Variants in ASB1 observed in about 807,000 individuals in gnomAD.
ASB1 encodes ankyrin repeat and SOCS box protein 1.
ASB1 carries 18 observed loss-of-function variants against 27.7 expected under a neutral mutation model. The observed-to-expected ratio is 0.65, with a 90% CI of 0.45 to 0.96. The LOEUF (loss-of-function observed/expected upper bound fraction) is 0.96, where lower values mean the gene tolerates loss of function less well. Ranked by LOEUF, ASB1 falls within the 50% of genes least tolerant of loss-of-function variation. The pLI is 0.00. For synonymous variants in ASB1, 189 were observed against 187.6 expected, an observed-to-expected ratio of 1.01 and a Z score of -0.06; for missense variants, 397 against 451.7, an observed-to-expected ratio of 0.88 and a Z score of 1.10.
At chr2:238,432,561 C>T (rs922701865) in intron 1 of ASB1, among the ~76,000 whole-genome samples, 8 of 152,204 alleles carry the variant, frequency 5.3e-5, no homozygotes, top group Admixed American at 1.3e-4. Context: ...GGGAGTCACC[C>T]GTGTAGCAGA....
intron 3 of ASB1, among the ~76,000 whole-genome samples, chr2:238,438,727 T>C (rs1702021615): frequency 6.6e-6 from 1 of 152,252 alleles, no homozygotes; most frequent in African/African-American, 2.4e-5. Context: ...CCTGTGCCAG[T>C]TCCCCCTTAG....
chr2:238,445,431 C>T (rs1324750800), intron 4 of ASB1, among the ~76,000 whole-genome samples: 1 of 152,208 alleles, frequency 6.6e-6, no homozygotes, highest in African/African-American at 2.4e-5. Context: ...TTCAATTCCA[C>T]TCAAGTATCG....
Position 238,431,030 on chromosome 2 carries a change from G to A in ASB1, c.50-2524G>A, listed in dbSNP as rs904955621. Among the ~76,000 whole-genome samples, 6 of 152,338 alleles carry A rather than the reference G, an allele frequency of 3.9e-5. No individual in the cohort carries two copies. In the South Asian group the frequency reaches 1.0e-3, roughly 26 times the overall value. On this transcript the variant is annotated intron_variant, in intron 1 of 4. Coordinates refer to ENST00000264607, the MANE Select transcript of ASB1 (RefSeq NM_001040445.3). ...GTCACCAGCTGCGTTAGCCCCTAACGAGAGTCAGCTTGTCCTTTAAAGCTT... is the reference window on the plus strand; with the variant it reads ...GTCACCAGCTGCGTTAGCCCCTAACAAGAGTCAGCTTGTCCTTTAAAGCTT...
At chr2:238,437,690 A>C (rs1232830460) in intron 3 of ASB1, among the ~76,000 whole-genome samples, 3 of 151,718 alleles carry the variant, frequency 2.0e-5, no homozygotes, top group Non-Finnish European at 4.4e-5. Context: ...GACAGGGTGC[A>C]GTTTAGGTAG....
chr2:238,439,749 T>TTG (rs1702044781), intron 3 of ASB1, among the ~76,000 whole-genome samples: 1 of 152,188 alleles, frequency 6.6e-6, no homozygotes, highest in South Asian at 2.1e-4. Flanking sequence ...ATTCCCCTCT[T>TTG]ATCAGGCTGC....
At chr2:238,439,577 A>G (rs1162314218) in intron 3 of ASB1, among the ~76,000 whole-genome samples, 3 of 152,110 alleles carry the variant, frequency 2.0e-5, no homozygotes. Flanking sequence ...GTCCTTTCCT[A>G]TTACAAATGA....
intron 1 of ASB1, among the ~76,000 whole-genome samples, chr2:238,430,405 G>T (rs1158717736): frequency 1.3e-5 from 2 of 152,176 alleles, no homozygotes; most frequent in African/African-American, 4.8e-5. Flanking sequence ...TTGATCATGC[G>T]ATTGCAGCAG....
rs960491082 is a variant in ASB1 at position 238,449,982 on chromosome 2, C to G, written c.*3471C>G. 16 of 152,268 alleles carry G rather than the reference C, an allele frequency of 1.1e-4. No homozygotes were observed. Among genetic ancestry groups the G allele is most frequent in the African/African-American group, 3.9e-4 (16 of 41,466 alleles). 9.4% of individuals were successfully genotyped at this position (152,268 alleles called of 1,614,324 possible). A position where few individuals can be genotyped will look rare whatever the true frequency, so the allele number is the denominator to read the frequency against. On this transcript the variant is annotated 3_prime_UTR_variant, in exon 5 of 5. Coordinates refer to ENST00000264607, the MANE Select transcript of ASB1 (RefSeq NM_001040445.3). ...TTGGCCACATCCCTATTAACAGAGG[C>G]AGCTCCACTTCAGACAGGGACAAGG...
chr2:238,429,239 A>T (rs114527156), intron 1 of ASB1, among the ~76,000 whole-genome samples: 1,721 of 152,322 alleles, frequency 0.011, 35 homozygotes, highest in African/African-American at 0.037. Context: ...GGGGTGCTTT[A>T]TACCTGCCTG....
At chr2:238,430,843 AT>A (rs36119506) in intron 1 of ASB1, among the ~76,000 whole-genome samples, 9,909 of 152,284 alleles carry the variant, frequency 0.065, 510 homozygotes, top group African/African-American at 0.13. Flanking sequence ...GAGCAGTAGT[AT>A]TTTGAAAGGA....
intron 4 of ASB1, among the ~76,000 whole-genome samples, chr2:238,445,639 A>G (rs533365524): frequency 6.6e-6 from 1 of 152,152 alleles, no homozygotes; most frequent in African/African-American, 2.4e-5. Flanking sequence ...CCTCCTGCCC[A>G]CATGTCACCC....
Position 238,435,991 on chromosome 2 carries a change from G to A in ASB1, c.472G>A (p.Asp158Asn). Residue 158 changes from aspartate (D) to asparagine (N), a missense_variant, in exon 3 of 5, where the codon GAC (aspartate) becomes AAC (asparagine). Asp to Asn is a conservative substitution (Grantham distance 23). Coordinates refer to ENST00000264607, the MANE Select transcript of ASB1 (RefSeq NM_001040445.3). ...CCACGCCTCTCGCGTGGGCCGGGCA[G>A]ACATCCTGAAGGCCCTCATCAGGCC... is the stretch of plus-strand genomic sequence containing the variant. ...VYHASRVGRA[D>N]ILKALIRYGA... is the part of the protein sequence containing the mutation. 1 of 1,612,972 alleles carries A rather than the reference G, an allele frequency of 6.2e-7. No individual in the cohort carries two copies. The highest frequency in any genetic ancestry group is 8.5e-7 in the Non-Finnish European group (1 of 1,179,718).
intron 4 of ASB1, among the ~76,000 whole-genome samples, chr2:238,445,385 C>T (rs1210726092): frequency 6.6e-6 from 1 of 152,222 alleles, no homozygotes; most frequent in Non-Finnish European, 1.5e-5. Context: ...AAACAAATTG[C>T]AAGCGGGGCT....
intron 4 of ASB1, among the ~76,000 whole-genome samples, chr2:238,445,839 A>C (rs930817087): frequency 6.6e-6 from 1 of 152,230 alleles, no homozygotes. Flanking sequence ...AGCTGTACTG[A>C]TAGAAGCAGC....
intron 1 of ASB1, among the ~76,000 whole-genome samples, chr2:238,430,111 G>A (rs967926337): frequency 6.6e-6 from 1 of 152,086 alleles, no homozygotes; most frequent in African/African-American, 2.4e-5. Context: ...CTGACTTATC[G>A]GGGGCTATGG....
intron 3 of ASB1, 62 bp downstream of exon 3, chr2:238,436,075 C>T: frequency 6.9e-7 from 1 of 1,446,072 alleles, no homozygotes; most frequent in Non-Finnish European, 9.1e-7. Flanking sequence ...CTGTATTTTG[C>T]AGTTTTTCTG....
intron 3 of ASB1, among the ~76,000 whole-genome samples, chr2:238,441,104 C>T (rs1173630381): frequency 1.3e-5 from 2 of 151,938 alleles, no homozygotes; most frequent in African/African-American, 4.8e-5. Flanking sequence ...AGCTGGATAC[C>T]TGATTGAGTT....
intron 4 of ASB1, among the ~76,000 whole-genome samples, chr2:238,445,474 G>T (rs1702162496): frequency 6.6e-6 from 1 of 152,068 alleles, no homozygotes; most frequent in Admixed American, 6.5e-5. Flanking sequence ...CCTAAATTTT[G>T]TAACAATAAA....
rs1701768230 is a variant in ASB1 at position 238,427,049 on chromosome 2, G to C, written c.-22G>C. On this transcript the variant is annotated 5_prime_UTR_variant, in exon 1 of 5. Transcript: ENST00000264607. The stretch of plus-strand genomic sequence containing the variant: ...CGAGGGGCGTGCGCGGGTCAGGGGC[G>C]GCCGCGGAGGCGGAAGCATCCATGG... The C allele has an allele frequency of 7.9e-7, 1 of 1,258,700 alleles. No individual in the cohort carries two copies. Among genetic ancestry groups the C allele is most frequent in the African/African-American group, 1.6e-5 (1 of 64,456 alleles). The allele number at this position is 1,258,700 out of a possible 1,614,324, so 78.0% of individuals were successfully genotyped here.
Sources: gnomAD v4.1 joint callset for allele counts (sites outside exome capture counted in the v4.1 genomes callset) on GRCh38, gnomAD v4.1.1 for gene constraint, MANE v1.5 for transcripts, NCBI Gene and HGNC (gene_info 2026-07-23, HGNC 2026-07-21) for gene names.